CPA6: variants seen among roughly 807,000 people sequenced by gnomAD.
CPA6 encodes the protein carboxypeptidase B.
A neutral mutation model predicts 63.3 loss-of-function variants in CPA6; 58 were observed. The observed-to-expected ratio is 0.92, with a 90% CI of 0.74 to 1.14. The LOEUF is 1.14. CPA6 is among the 50% of genes most tolerant of loss of function. CPA6 has a pLI of 0.00. For synonymous variants in CPA6, 185 were observed against 179.0 expected, an observed-to-expected ratio of 1.03 and a Z score of -0.27; for missense variants, 565 against 526.6, an observed-to-expected ratio of 1.07 and a Z score of -0.71.
chr8:67,656,615 G>T (rs949954640), intron 1 of CPA6, among the ~76,000 whole-genome samples: 4 of 152,176 alleles, frequency 2.6e-5, no homozygotes, highest in Non-Finnish European at 5.9e-5. Context: ...TTCAAGGCTT[G>T]GCTCAGTCTT....
chr8:67,681,200 C>CTTTTTTTTTTTT lies in CPA6; in HGVS notation c.117-56961_117-56950dup, dbSNP rs1007305743. Among the ~76,000 whole-genome samples the CTTTTTTTTTTTT allele has an allele frequency of 9.5e-3, 854 of 89,844 alleles. 152 individuals carry two copies. The highest frequency in any genetic ancestry group is 0.017 in the African/African-American group (278 of 16,228). The allele number at this position is 89,844 out of a possible 152,430, so 58.9% of individuals were successfully genotyped here. ...CTCAACCCAAGGTCACAAAGATTTT[C>CTTTTTTTTTTTT]TTTTTTTTTTTTTTTTTTTTGAGAC... On this transcript the variant is annotated intron_variant, in intron 1 of 10. Coordinates refer to ENST00000297770, the MANE Select transcript of CPA6 (RefSeq NM_020361.5).
At chr8:67,719,903 T>C (rs1264080121) in intron 1 of CPA6, among the ~76,000 whole-genome samples, 1 of 152,136 alleles carries the variant, frequency 6.6e-6, no homozygotes, top group African/African-American at 2.4e-5. Context: ...TTGGCGTCCA[T>C]GCATCCACAT....
chr8:67,530,565 G>C (rs1007062349), intron 2 of CPA6, among the ~76,000 whole-genome samples: 1 of 152,196 alleles, frequency 6.6e-6, no homozygotes, highest in African/African-American at 2.4e-5. Flanking sequence ...TTTGACAGTA[G>C]AGTGGAGTGC....
chr8:67,724,585 A>G (rs1817562117), intron 1 of CPA6, among the ~76,000 whole-genome samples: 1 of 152,226 alleles, frequency 6.6e-6, no homozygotes, highest in Non-Finnish European at 1.5e-5. Context: ...ACTTATATCT[A>G]TGAGAATTGA....
At chr8:67,480,091 ATAAT>A in intron 8 of CPA6, among the ~76,000 whole-genome samples, 1 of 152,134 alleles carries the variant, frequency 6.6e-6, no homozygotes. Flanking sequence ...TATCTAATTT[ATAAT>A]ATTAGGTAAC....
At chr8:67,657,529 C>T (rs1042474922) in intron 1 of CPA6, among the ~76,000 whole-genome samples, 6 of 152,196 alleles carry the variant, frequency 3.9e-5, no homozygotes, top group Non-Finnish European at 8.8e-5. Context: ...TTCAACCCAT[C>T]TTCCTTGCTA....
chr8:67,655,232 C>T (rs1232039327), intron 1 of CPA6, among the ~76,000 whole-genome samples: 1 of 152,130 alleles, frequency 6.6e-6, no homozygotes, highest in Non-Finnish European at 1.5e-5. Context: ...ACAGTACCAA[C>T]ATGCTTCTAC....
intron 2 of CPA6, among the ~76,000 whole-genome samples, chr8:67,549,425 A>G (rs1409546875): frequency 6.6e-6 from 1 of 152,222 alleles, no homozygotes; most frequent in Non-Finnish European, 1.5e-5. Context: ...ACCACAATCT[A>G]TGCCATAAAC....
chr8:67,620,440 T>C (rs1401814613), intron 2 of CPA6, among the ~76,000 whole-genome samples: 1 of 152,178 alleles, frequency 6.6e-6, no homozygotes, highest in Admixed American at 6.5e-5. Flanking sequence ...TATCTTAGAA[T>C]TCTGTCTATC....
chr8:67,596,527 ATTTC>A lies in CPA6; in HGVS notation c.192+27645_192+27648del, dbSNP rs748376319. On this transcript the variant is annotated intron_variant, in intron 2 of 10. Transcript: ENST00000297770. ...TTTCACTGTATTTGGGTATGAATTT[ATTTC>A]TTTTTTTTTTTTTTACTCTACTTTG... Among the ~76,000 whole-genome samples the A allele has an allele frequency of 3.1e-4, 45 of 144,824 alleles. 1 individual carries two copies. In the East Asian group the frequency reaches 7.0e-3, roughly 22 times the overall value.
intron 6 of CPA6, among the ~76,000 whole-genome samples, chr8:67,488,022 A>C (rs576454388): frequency 2.6e-5 from 4 of 152,210 alleles, no homozygotes. Flanking sequence ...CTCTGATGGT[A>C]GTTTCTTTTG....
At chr8:67,674,636 A>G (rs1388517826) in intron 1 of CPA6, among the ~76,000 whole-genome samples, 1 of 152,244 alleles carries the variant, frequency 6.6e-6, no homozygotes, top group African/African-American at 2.4e-5. Flanking sequence ...AACTCAAAAC[A>G]GAGCTATCCT....
intron 2 of CPA6, among the ~76,000 whole-genome samples, chr8:67,518,497 T>C (rs1192702992): frequency 7.7e-6 from 1 of 130,430 alleles, no homozygotes; most frequent in Non-Finnish European, 1.6e-5. Context: ...TTTTTTCTTT[T>C]TCTTTTCTTT....
chr8:67,494,020 T>C (rs1348592858), intron 6 of CPA6, among the ~76,000 whole-genome samples: 9 of 152,206 alleles, frequency 5.9e-5, no homozygotes, highest in Admixed American at 5.9e-4. Flanking sequence ...TGAGTTTAGT[T>C]TTAAAAACAT....
Position 67,746,126 on chromosome 8 carries a change from T to C in CPA6, c.4A>G (p.Lys2Glu). The C allele has an allele frequency of 3.1e-6, 5 of 1,611,692 alleles. No homozygotes were observed. The highest frequency in any genetic ancestry group is 4.2e-6 in the Non-Finnish European group (5 of 1,178,728). ...TGGCCCCTGCGCTTCCCGAGACACT[T>C]CATAGTGTTAAGAAGAGAGGAGTTG... The part of the protein sequence containing the change: M[K>E]CLGKRRGQAA... The change falls in exon 1 of 11, where the codon AAG becomes GAG. Residue 2 changes from lysine to glutamate, a missense_variant. Physicochemically the swap from Lys to Glu is moderately conservative, Grantham distance 56 (BLOSUM62 1). Transcript: ENST00000297770.
chr8:67,435,162 C>G (rs1810121387), intron 8 of CPA6, among the ~76,000 whole-genome samples: 1 of 152,170 alleles, frequency 6.6e-6, no homozygotes, highest in African/African-American at 2.4e-5. Flanking sequence ...CCAGAGAGCA[C>G]AGTGGGCCAT....
chr8:67,499,434 G>T (rs189544881), intron 6 of CPA6, among the ~76,000 whole-genome samples: 1 of 152,326 alleles, frequency 6.6e-6, no homozygotes, highest in East Asian at 1.9e-4. Context: ...ATAAACTTCT[G>T]ATTTGGAGAT....
At chr8:67,709,463 A>G (rs562443035) in intron 1 of CPA6, among the ~76,000 whole-genome samples, 1 of 152,358 alleles carries the variant, frequency 6.6e-6, no homozygotes, top group Admixed American at 6.5e-5. Flanking sequence ...AAGTTGCTGC[A>G]TACTCATATG....
At chr8:67,588,496 A>G (rs1372667988) in intron 2 of CPA6, among the ~76,000 whole-genome samples, 7 of 152,182 alleles carry the variant, frequency 4.6e-5, no homozygotes, top group Non-Finnish European at 1.0e-4. Context: ...AGGCAAACAG[A>G]ATAGGAGAGG....
Sources: gnomAD v4.1 joint callset for allele counts (sites outside exome capture counted in the v4.1 genomes callset) on GRCh38, gnomAD v4.1.1 for gene constraint, MANE v1.5 for transcripts, NCBI Gene and HGNC (gene_info 2026-07-23, HGNC 2026-07-21) for gene names.